Variants in UNC5D observed in about 807,000 individuals in gnomAD.
UNC5D encodes the protein unc-5 netrin receptor D.
In UNC5D, 39 loss-of-function variants were observed where a neutral mutation model predicts 105.4. The ratio of observed to expected loss-of-function variants is 0.37; its 90% confidence interval spans 0.29 to 0.48. The LOEUF (loss-of-function observed/expected upper bound fraction) is 0.48. Ranked by LOEUF, UNC5D falls within the 20% of genes least tolerant of loss-of-function variation. The pLI is 0.98. For missense variants in UNC5D, 991 were observed against 1,202.4 expected (o/e 0.82, Z 2.60); for synonymous variants, 452 against 450.4 (o/e 1.00, Z -0.04).
intron 1 of UNC5D, among the ~76,000 whole-genome samples, chr8:35,297,310 G>A (rs996840093): frequency 2.0e-5 from 3 of 152,130 alleles, no homozygotes; most frequent in Admixed American, 2.0e-4. Context: ...GTTCTGAATT[G>A]TAGCCTGAAA....
At chr8:35,266,428 A>G (rs1040524410) in intron 1 of UNC5D, among the ~76,000 whole-genome samples, 1 of 152,250 alleles carries the variant, frequency 6.6e-6, no homozygotes, top group Admixed American at 6.5e-5. Context: ...AGAACAAACT[A>G]GTCATGGGAG....
intron 1 of UNC5D, among the ~76,000 whole-genome samples, chr8:35,403,936 C>T (rs1804636226): frequency 6.6e-6 from 1 of 152,158 alleles, no homozygotes; most frequent in African/African-American, 2.4e-5. Flanking sequence ...CTCCATTCCC[C>T]CCACCAAGTC....
At chr8:35,396,917 G>GT (rs1804141507) in intron 1 of UNC5D, among the ~76,000 whole-genome samples, 2 of 150,078 alleles carry the variant, frequency 1.3e-5, no homozygotes, top group Non-Finnish European at 3.0e-5. Context: ...TTTGTTTTTT[G>GT]TTTTTTTGTT....
At chr8:35,625,131 C>G (rs921838123) in intron 4 of UNC5D, among the ~76,000 whole-genome samples, 6 of 152,170 alleles carry the variant, frequency 3.9e-5, no homozygotes, top group African/African-American at 1.4e-4. Flanking sequence ...TTGTGATGAG[C>G]TGTACAGCTG....
rs563278581 is a variant in UNC5D at position 35,694,048 on chromosome 8, T to C, written c.1084+7339T>C. Among the ~76,000 whole-genome samples, 4 of 152,006 alleles carry C rather than the reference T, an allele frequency of 2.6e-5. No homozygotes were observed. In the South Asian group the frequency reaches 8.3e-4, roughly 32 times the overall value. On this transcript the variant is annotated intron_variant, in intron 7 of 16. Transcript: ENST00000404895. ...AAACATAACACAAACCCAAGAAAAC[T>C]AAACAAACACATAAGAACGAGTCCC...
intron 1 of UNC5D, among the ~76,000 whole-genome samples, chr8:35,413,346 T>A (rs1335450806): frequency 3.3e-5 from 5 of 149,648 alleles, no homozygotes; most frequent in Non-Finnish European, 5.9e-5. Flanking sequence ...AAATTGGAGA[T>A]GGACATCTGG....
chr8:35,537,201 T>C (rs1309379165), intron 1 of UNC5D, among the ~76,000 whole-genome samples: 3 of 152,094 alleles, frequency 2.0e-5, no homozygotes, highest in Non-Finnish European at 4.4e-5. Flanking sequence ...ACAAAAATAG[T>C]AGAAAAATAT....
intron 1 of UNC5D, among the ~76,000 whole-genome samples, chr8:35,283,225 A>G (rs1806326278): frequency 1.3e-5 from 2 of 152,150 alleles, no homozygotes; most frequent in Non-Finnish European, 2.9e-5. Context: ...TTAATAGATC[A>G]TTCTCTGTCA....
chr8:35,318,720 T>C (rs1809486953), intron 1 of UNC5D, among the ~76,000 whole-genome samples: 1 of 152,068 alleles, frequency 6.6e-6, no homozygotes, highest in African/African-American at 2.4e-5. Flanking sequence ...ACTTTCTTTA[T>C]TATCCTAAGC....
chr8:35,546,195 A>G (rs1261486582), intron 1 of UNC5D, among the ~76,000 whole-genome samples: 4 of 152,110 alleles, frequency 2.6e-5, no homozygotes, highest in Non-Finnish European at 5.9e-5. Context: ...TGCCTGGCCT[A>G]AGATTGACTG....
At chr8:35,443,187 CTG>C (rs1386497625) in intron 1 of UNC5D, among the ~76,000 whole-genome samples, 1 of 151,862 alleles carries the variant, frequency 6.6e-6, no homozygotes, top group African/African-American at 2.4e-5. Context: ...ACTAAGAACA[CTG>C]TACTGTGCTT....
intron 12 of UNC5D, among the ~76,000 whole-genome samples, chr8:35,749,989 T>TAAAAAAAAAA (rs11380512): frequency 2.8e-4 from 38 of 136,952 alleles, no homozygotes; most frequent in African/African-American, 1.2e-3. Flanking sequence ...GAAATAGTTG[T>TAAAAAAAAAA]AAAAAAAAAA....
At chr8:35,646,520 G>T (rs904520474) in intron 4 of UNC5D, among the ~76,000 whole-genome samples, 1 of 152,022 alleles carries the variant, frequency 6.6e-6, no homozygotes, top group Non-Finnish European at 1.5e-5. Context: ...GGAAACATGG[G>T]CTCCTGTGTC....
chr8:35,610,322 C>A (rs1052283267), intron 4 of UNC5D, among the ~76,000 whole-genome samples: 9 of 152,122 alleles, frequency 5.9e-5, no homozygotes. Context: ...AGCCACCAGG[C>A]CAATGATAGT....
Position 35,542,026 on chromosome 8 carries a change from C to T in UNC5D, c.104-7266C>T, listed in dbSNP as rs112286393. Among the ~76,000 whole-genome samples, 454 of 152,064 alleles carry T rather than the reference C, an allele frequency of 3.0e-3. 6 individuals carry two copies. The highest frequency in any genetic ancestry group is 0.01 in the African/African-American group (424 of 41,474). ...CATTCTGCAGGATTTAAGATCTGCTCGATAAAGTAATATCTTAGTCATATA... is the reference window on the plus strand; with the variant it reads ...CATTCTGCAGGATTTAAGATCTGCTTGATAAAGTAATATCTTAGTCATATA... On this transcript the variant is annotated intron_variant, in intron 1 of 16. Transcript: ENST00000404895.
At chr8:35,506,417 T>A (rs1242358971) in intron 1 of UNC5D, among the ~76,000 whole-genome samples, 1 of 152,212 alleles carries the variant, frequency 6.6e-6, no homozygotes, top group African/African-American at 2.4e-5. Flanking sequence ...CTGATTGGCA[T>A]ATGAAATTGC....
At chr8:35,256,023 C>G (rs1804052219) in intron 1 of UNC5D, 1 of 152,174 alleles carries the variant, frequency 6.6e-6, no homozygotes, top group South Asian at 2.1e-4. Context: ...TCTTTCATAG[C>G]CAAAGTACTC....
intron 15 of UNC5D, among the ~76,000 whole-genome samples, chr8:35,773,251 A>G (rs1181957872): frequency 6.6e-6 from 1 of 152,184 alleles, no homozygotes; most frequent in Non-Finnish European, 1.5e-5. Context: ...CATGTTGGAT[A>G]TAAGGATTAA....
rs114366165 is a variant in UNC5D, at chr8:35,571,577, G to T, written c.466+3336G>T. ...GGAGTTGCCTTTAGGACCTTGCCTA[G>T]AATTCTTTTGATTTGCTTGCAGGGA... On this transcript the variant is annotated intron_variant, in intron 3 of 16. Coordinates refer to ENST00000404895, the MANE Select transcript of UNC5D (RefSeq NM_080872.4). Among the ~76,000 whole-genome samples the T allele has an allele frequency of 1.9e-3, 288 of 152,258 alleles. 3 individuals are homozygous for T. Among genetic ancestry groups the T allele is most frequent in the African/African-American group, 6.6e-3 (275 of 41,552 alleles).
Sources: allele counts gnomAD v4.1 joint callset (sites outside exome capture counted in the v4.1 genomes callset), GRCh38; gene constraint gnomAD v4.1.1; transcripts MANE v1.5; gene names NCBI Gene and HGNC (gene_info 2026-07-23, HGNC 2026-07-21).